PGPEP1L: variants seen among roughly 807,000 people sequenced by gnomAD.
The protein encoded by PGPEP1L is pyroglutamyl-peptidase 1-like protein.
In PGPEP1L, 7 loss-of-function variants were observed where a neutral mutation model predicts 6.0. The ratio of observed to expected loss-of-function variants is 1.17; its 90% CI spans 0.66 to 2.19. The LOEUF is 2.19. Ranked by LOEUF, PGPEP1L falls within the 30% of genes most tolerant of loss-of-function variation. The pLI, the probability that PGPEP1L is intolerant of heterozygous loss-of-function variation, is 0.00. For synonymous variants in PGPEP1L, 103 were observed against 83.9 expected (o/e 1.23, Z -1.24); for missense variants, 209 against 192.5 (o/e 1.09, Z -0.51).
chr15:98,989,523 A>G (rs1158880024), intron 2 of PGPEP1L, among the ~76,000 whole-genome samples: 1 of 152,250 alleles, frequency 6.6e-6, no homozygotes, highest in Non-Finnish European at 1.5e-5. Context: ...CTGAAAAGTG[A>G]CAGGGAGAAT....
intron 2 of PGPEP1L, among the ~76,000 whole-genome samples, chr15:98,981,298 C>T (rs1034324478): frequency 1.3e-5 from 2 of 152,078 alleles, no homozygotes; most frequent in Non-Finnish European, 2.9e-5. Flanking sequence ...CCAGACCATC[C>T]TGGCTAACAC....
chr15:98,972,803 G>A (rs1194292329), intron 2 of PGPEP1L, among the ~76,000 whole-genome samples: 2 of 148,874 alleles, frequency 1.3e-5, no homozygotes, highest in East Asian at 2.0e-4. Context: ...CCCAGGAGGC[G>A]GAGCTTGCAG....
At chr15:99,005,225 G>A (rs1422661270) in intron 2 of PGPEP1L, among the ~76,000 whole-genome samples, 2 of 152,242 alleles carry the variant, frequency 1.3e-5, no homozygotes, top group African/African-American at 2.4e-5. Flanking sequence ...ATGAGCCACA[G>A]AAGCAGAAAT....
intron 2 of PGPEP1L, among the ~76,000 whole-genome samples, chr15:98,978,475 A>AT (rs1474668393): frequency 6.6e-6 from 1 of 152,042 alleles, no homozygotes; most frequent in African/African-American, 2.4e-5. Flanking sequence ...TAATGCTGAC[A>AT]TTTTTCAAGA....
chr15:98,971,104 C>T lies in PGPEP1L; in HGVS notation c.-87G>A, dbSNP rs1244463609. 1 of 1,612,850 alleles carries T rather than the reference C, an allele frequency of 6.2e-7. No homozygotes were observed. On this transcript the variant is annotated 5_prime_UTR_variant, in exon 3 of 5. An upstream open reading frame in the 5' UTR gains an earlier in-frame stop. Transcript: ENST00000535714. ...GCCTCCCTGTAATCTACAGGCAGCTCCAGAGTCCGCAGCTGCACCACTGTT... is the reference window on the plus strand; with the variant it reads ...GCCTCCCTGTAATCTACAGGCAGCTTCAGAGTCCGCAGCTGCACCACTGTT...
intron 2 of PGPEP1L, chr15:99,001,192 G>T (rs1555472967): frequency 2.3e-6 from 1 of 431,130 alleles, no homozygotes; most frequent in Non-Finnish European, 4.6e-6. Flanking sequence ...CTCACCACGA[G>T]AGTCCGCGGC....
At chr15:99,005,265 G>A (rs1444861059) in intron 2 of PGPEP1L, among the ~76,000 whole-genome samples, 164 bp downstream of exon 2, 4 of 152,226 alleles carry the variant, frequency 2.6e-5, no homozygotes, top group Non-Finnish European at 5.9e-5. Context: ...TATTAATAGG[G>A]CACAGCAGCA....
chr15:98,971,035 C>T lies in PGPEP1L; in HGVS notation c.-19+1G>A, dbSNP rs1329385889. The T allele has an allele frequency of 9.9e-6, 16 of 1,613,566 alleles. No homozygotes were observed. Among genetic ancestry groups the T allele is most frequent in the Non-Finnish European group, 1.2e-5 (14 of 1,179,706 alleles). On this transcript the variant is annotated splice_donor_variant, in intron 3 of 4. Transcript: ENST00000535714. LOFTEE classifies it low-confidence loss of function (5UTR_SPLICE). ...CCCCACTGCCTCTGGCCATCACTTA[C>T]TTGCGGCTGATGATCTTCCCAGATT...
chr15:98,969,715 T>A lies in PGPEP1L; in HGVS notation c.-18-64A>T, dbSNP rs1438078525. ...CGAGGCCCACCCTGCTCACCAAATG[T>A]GCAGAAGGGGCCACTCCTTTTGAGA... is the stretch of plus-strand genomic sequence containing the variant. On this transcript the variant is annotated intron_variant, in intron 3 of 4. Coordinates refer to ENST00000535714, the MANE Select transcript of PGPEP1L (RefSeq NM_001167902.2). The A allele has an allele frequency of 7.9e-5, 120 of 1,526,942 alleles. No homozygotes were observed. The East Asian group carries it at 2.5e-3, about 31-fold the overall frequency. The allele number at this position is 1,526,942 out of a possible 1,614,324, so 94.6% of individuals were successfully genotyped here.
At chr15:98,971,312 G>T (rs1306991897) in intron 2 of PGPEP1L, among the ~76,000 whole-genome samples, 154 bp from the exon 3 acceptor site, 1 of 151,874 alleles carries the variant, frequency 6.6e-6, no homozygotes, top group Non-Finnish European at 1.5e-5. Context: ...GTGGCAAGGG[G>T]CCAAGAAGAG....
In PGPEP1L at chr15:98,990,340, C is replaced by G. The variant is rs537566998; in HGVS notation, c.-142+15089G>C. Among the ~76,000 whole-genome samples the G allele has an allele frequency of 7.9e-5, 12 of 151,350 alleles. No homozygotes were observed. In the South Asian group the frequency reaches 2.5e-3, roughly 32 times the overall value. ...AGTCTCTGTTAAAAGAGACTTTAAACCAACAAAGATCAAAAGAGACAAAGA... is the reference window on the plus strand; with the variant it reads ...AGTCTCTGTTAAAAGAGACTTTAAAGCAACAAAGATCAAAAGAGACAAAGA... On this transcript the variant is annotated intron_variant, in intron 2 of 4. Transcript: ENST00000535714.
At chr15:99,005,096 C>T (rs1380668534) in intron 2 of PGPEP1L, among the ~76,000 whole-genome samples, 2 of 152,078 alleles carry the variant, frequency 1.3e-5, no homozygotes, top group Admixed American at 1.3e-4. Flanking sequence ...GCCTCGGGCC[C>T]CACTCAGGGA....
At chr15:98,996,581 ATG>A (rs200574646) in intron 2 of PGPEP1L, among the ~76,000 whole-genome samples, 3,715 of 151,526 alleles carry the variant, frequency 0.025, 64 homozygotes, top group Non-Finnish European at 0.04. Context: ...TGCATGTATT[ATG>A]TGTGTTGTGT....
intron 2 of PGPEP1L, among the ~76,000 whole-genome samples, chr15:98,974,668 G>A (rs750125887): frequency 9.1e-4 from 138 of 152,156 alleles, no homozygotes; most frequent in African/African-American, 3.1e-3. Context: ...AGGCCAAGGC[G>A]GGTGGATCAC....
intron 2 of PGPEP1L, among the ~76,000 whole-genome samples, chr15:98,998,818 A>G (rs2017921309): frequency 6.6e-6 from 1 of 152,188 alleles, no homozygotes; most frequent in Non-Finnish European, 1.5e-5. Context: ...TCTCTACTAA[A>G]TATACAAAAA....
rs115366891 is a variant in PGPEP1L, at chr15:98,985,949, T to C, written c.-141-14791A>G. 9.6e-3 allele frequency among the ~76,000 whole-genome samples: 1,466 copies of C among 152,348 alleles called. 33 individuals carry two copies. The highest frequency in any genetic ancestry group is 0.034 in the African/African-American group (1,407 of 41,566). On this transcript the variant is annotated intron_variant, in intron 2 of 4. Transcript: ENST00000535714. Reference sequence around the variant, plus strand: ...AGTTTCTTTTCAACTTTGCTTGAGCTTCCTCATTATGTTGCTTTCTTCCAT... The same window carrying C: ...AGTTTCTTTTCAACTTTGCTTGAGCCTCCTCATTATGTTGCTTTCTTCCAT...
chr15:99,000,785 T>A (rs566269423), intron 2 of PGPEP1L, among the ~76,000 whole-genome samples: 2 of 152,178 alleles, frequency 1.3e-5, no homozygotes, highest in South Asian at 2.1e-4. Context: ...ATCAGCAGGA[T>A]GTGGGTGGGG....
intron 2 of PGPEP1L, among the ~76,000 whole-genome samples, chr15:99,002,215 C>T (rs1555473134): frequency 1.3e-5 from 2 of 152,164 alleles, no homozygotes; most frequent in South Asian, 2.1e-4. Flanking sequence ...AGGCTGCCCT[C>T]GAACTCCTGG....
chr15:98,995,179 T>C (rs2017870362), intron 2 of PGPEP1L, among the ~76,000 whole-genome samples: 1 of 152,238 alleles, frequency 6.6e-6, no homozygotes, highest in Admixed American at 6.5e-5. Context: ...ACTAAATGTA[T>C]TTAGAACATC....
Sources: allele counts gnomAD v4.1 joint callset (sites outside exome capture counted in the v4.1 genomes callset), GRCh38; gene constraint gnomAD v4.1.1; transcripts MANE v1.5; gene names NCBI Gene and HGNC (gene_info 2026-07-23, HGNC 2026-07-21).